PALLD: variants seen among roughly 807,000 people sequenced by gnomAD.
PALLD encodes palladin.
PALLD carries 61 observed loss-of-function variants against 123.5 expected under a neutral mutation model. The ratio of observed to expected loss-of-function variants is 0.49; its 90% CI spans 0.40 to 0.61. The LOEUF (loss-of-function observed/expected upper bound fraction) is 0.61, where lower values mean the gene tolerates loss of function less well. Among genes scored for constraint, PALLD ranks in the 20% least tolerant of loss-of-function variants. The probability of loss-of-function intolerance (pLI) is 0.00; values close to 1 mark genes in which losing one functional copy is unlikely to be tolerated. For synonymous variants in PALLD, 465 were observed against 496.4 expected, an observed-to-expected ratio of 0.94 and a Z score of 0.84; for missense variants, 1,273 against 1,377.0, an observed-to-expected ratio of 0.92 and a Z score of 1.20.
intron 10 of PALLD, 134 bp from the exon 11 acceptor site, chr4:168,890,788 T>C: frequency 2.2e-6 from 2 of 902,350 alleles, no homozygotes; most frequent in Non-Finnish European, 3.7e-6. Context: ...CCATCATAGT[T>C]GCAACAGATG....
intron 10 of PALLD, among the ~76,000 whole-genome samples, chr4:168,832,458 C>T (rs904120722): frequency 1.3e-5 from 2 of 152,112 alleles, no homozygotes; most frequent in African/African-American, 4.8e-5. Context: ...CTGCCACGGA[C>T]GATCCCTCCC....
rs749742140 is a variant in PALLD, at chr4:168,512,180, G to T, written c.676G>T (p.Asp226Tyr). The T allele has an allele frequency of 6.2e-7, 1 of 1,613,824 alleles. No homozygotes were observed. The highest frequency in any genetic ancestry group is 2.2e-5 in the East Asian group (1 of 44,862). ...SASASQSPME[D>Y]QGEMEREVKS... ...CTCAGCCAGCCAGAGCCCTATGGAA[G>T]ACCAAGGGGAGATGGAAAGAGAGGT... Residue 226 changes from aspartate to tyrosine, a missense_variant, in exon 2 of 22, where the codon GAC becomes TAC. Physicochemically the swap from Asp to Tyr is radical, Grantham distance 160. Coordinates refer to ENST00000505667, the MANE Select transcript of PALLD (RefSeq NM_001166108.2).
chr4:168,547,566 CA>C (rs11339394), intron 2 of PALLD, among the ~76,000 whole-genome samples: 25,669 of 70,984 alleles, frequency 0.36, 3,351 homozygotes, highest in East Asian at 0.64. Context: ...TAATAAAATA[CA>C]AAAAAAAAAA....
intron 10 of PALLD, among the ~76,000 whole-genome samples, chr4:168,851,424 A>G (rs1483574972): frequency 2.0e-5 from 3 of 151,636 alleles, no homozygotes; most frequent in Non-Finnish European, 2.9e-5. Flanking sequence ...CTGGAGTGCA[A>G]TGGCGCAATC....
At position 168,711,607 on chromosome 4, in the gene PALLD, T is replaced by C; in HGVS notation, c.1648T>C (p.Ser550Pro). ...SANTENCSYE[S>P]MGESNNDHFQ... ...CAACACTGAAAACTGTAGTTACGAG[T>C]CAATGGGAGAATCCAACAATGACCA... Residue 550 changes from serine (S) to proline (P), a missense_variant, in exon 10 of 22, where the codon TCA becomes CCA. By Grantham distance (74) the Ser-to-Pro change is moderately conservative. This residue lies in a region of PALLD where 944 missense variants were observed against 954.5 expected (regional missense o/e 0.99). Transcript: ENST00000505667. The C allele has an allele frequency of 6.2e-7, 1 of 1,613,954 alleles. No individual in the cohort carries two copies. The highest frequency in any genetic ancestry group is 1.1e-5 in the South Asian group (1 of 91,072).
At chr4:168,916,594 A>G (rs772300018) in intron 17 of PALLD, among the ~76,000 whole-genome samples, 19 of 152,154 alleles carry the variant, frequency 1.2e-4, no homozygotes, top group Non-Finnish European at 4.4e-5. Context: ...AATAATAAAT[A>G]TGATAAATCT....
At chr4:168,819,739 A>ACCCAGGTG (rs1457319237) in intron 10 of PALLD, among the ~76,000 whole-genome samples, 3 of 152,320 alleles carry the variant, frequency 2.0e-5, no homozygotes, top group African/African-American at 7.2e-5. Flanking sequence ...TTATTTACAC[A>ACCCAGGTG]CCCAGGTGTC....
At chr4:168,691,606 A>T (rs1285123397) in intron 8 of PALLD, among the ~76,000 whole-genome samples, 1 of 152,174 alleles carries the variant, frequency 6.6e-6, no homozygotes, top group African/African-American at 2.4e-5. Context: ...TGATGAAAAA[A>T]CATCCTCCTA....
At chr4:168,879,648 C>G (rs1752345318) in intron 10 of PALLD, among the ~76,000 whole-genome samples, 1 of 152,206 alleles carries the variant, frequency 6.6e-6, no homozygotes, top group South Asian at 2.1e-4. Flanking sequence ...CTTCAGTTAG[C>G]AATGCTTCTT....
chr4:168,700,776 T>A (rs1413323948), intron 8 of PALLD: 1 of 152,210 alleles, frequency 6.6e-6, no homozygotes, highest in Admixed American at 6.5e-5. Context: ...GGCAGGAGGA[T>A]TGCTTGAGCC....
At chr4:168,591,098 T>G (rs1771380419) in intron 2 of PALLD, among the ~76,000 whole-genome samples, 2 of 152,052 alleles carry the variant, frequency 1.3e-5, no homozygotes, top group Admixed American at 1.3e-4. Flanking sequence ...AAGCTGGTCT[T>G]GAACTCCTGA....
At chr4:168,596,795 A>G (rs1306875945) in intron 2 of PALLD, among the ~76,000 whole-genome samples, 5 of 151,756 alleles carry the variant, frequency 3.3e-5, no homozygotes, top group Non-Finnish European at 7.4e-5. Context: ...ATAATTTACC[A>G]TCTCTCTGAC....
intron 2 of PALLD, among the ~76,000 whole-genome samples, chr4:168,645,808 C>T (rs1008732967): frequency 6.6e-6 from 1 of 152,096 alleles, no homozygotes; most frequent in Non-Finnish European, 1.5e-5. Flanking sequence ...CGGGGCTGCT[C>T]ACAGGAGGCT....
intron 2 of PALLD, among the ~76,000 whole-genome samples, chr4:168,520,231 C>T (rs1314666287): frequency 1.3e-5 from 2 of 148,832 alleles, no homozygotes; most frequent in Admixed American, 6.8e-5. Flanking sequence ...AAGGCTGAGA[C>T]GGGAGAATGG....
chr4:168,774,651 C>G (rs1426530316), intron 10 of PALLD, among the ~76,000 whole-genome samples: 1 of 141,508 alleles, frequency 7.1e-6, no homozygotes, highest in Non-Finnish European at 1.5e-5. Context: ...TTGCGTGAAC[C>G]TGGGAGGTGG....
At chr4:168,573,045 C>A (rs1769156818) in intron 2 of PALLD, among the ~76,000 whole-genome samples, 1 of 81,664 alleles carries the variant, frequency 1.2e-5, no homozygotes, top group Non-Finnish European at 2.6e-5. Context: ...ACCTCTCCAC[C>A]CTCATCTACC....
chr4:168,584,754 G>A (rs1373094658), intron 2 of PALLD, among the ~76,000 whole-genome samples: 2 of 152,194 alleles, frequency 1.3e-5, no homozygotes, highest in Non-Finnish European at 2.9e-5. Context: ...GACCATGTGT[G>A]ATGGAAAATC....
intron 2 of PALLD, among the ~76,000 whole-genome samples, chr4:168,551,690 A>T (rs1219241255): frequency 2.0e-5 from 3 of 147,498 alleles, no homozygotes; most frequent in Non-Finnish European, 4.5e-5. Flanking sequence ...TTTTTAAATT[A>T]AAAAAAAAAC....
chr4:168,683,486 A>G (rs922187655), intron 5 of PALLD, among the ~76,000 whole-genome samples: 2 of 152,224 alleles, frequency 1.3e-5, no homozygotes, highest in African/African-American at 4.8e-5. Context: ...TACCAACAAA[A>G]AGCTTTCCCA....
Sources: gnomAD v4.1 joint callset for allele counts (sites outside exome capture counted in the v4.1 genomes callset) on GRCh38, gnomAD v4.1.1 for gene constraint, gnomAD v4.1.1 regional missense constraint, MANE v1.5 for transcripts, NCBI Gene and HGNC (gene_info 2026-07-23, HGNC 2026-07-21) for gene names.